Variants in FCHO2 observed in about 807,000 individuals in gnomAD.
The protein encoded by FCHO2 is FCH and mu domain containing endocytic adaptor 2.
FCHO2 carries 43 observed loss-of-function variants against 114.1 expected under a neutral mutation model. The observed-to-expected ratio is 0.38, with a 90% CI of 0.30 to 0.49. The LOEUF is 0.49. Among genes scored for constraint, FCHO2 ranks in the 20% least tolerant of loss-of-function variants. The pLI, the probability that FCHO2 is intolerant of heterozygous loss-of-function variation, is 0.97. For synonymous variants in FCHO2, 293 were observed against 315.2 expected (o/e 0.93, Z 0.75); for missense variants, 807 against 950.4 (o/e 0.85, Z 1.98).
At chr5:73,017,396 G>A (rs893667603) in intron 8 of FCHO2, 88 bp downstream of exon 8, 3 of 747,770 alleles carry the variant, frequency 4.0e-6, no homozygotes, top group African/African-American at 1.8e-5. Context: ...TGGGTAAGGG[G>A]TAATTTTAAC....
chr5:73,040,412 T>G (rs1282729741), intron 10 of FCHO2, among the ~76,000 whole-genome samples: 2 of 152,186 alleles, frequency 1.3e-5, no homozygotes, highest in Admixed American at 1.3e-4. Flanking sequence ...CTGCTTTGTG[T>G]GCATTAACTG....
intron 2 of FCHO2, among the ~76,000 whole-genome samples, chr5:72,980,006 C>T (rs369070615): frequency 1.3e-5 from 2 of 152,018 alleles, no homozygotes; most frequent in Non-Finnish European, 2.9e-5. Context: ...TTTGTTTGCT[C>T]TTGCTTCTCT....
chr5:72,996,372 C>T (rs2112684477), intron 5 of FCHO2, among the ~76,000 whole-genome samples: 1 of 151,778 alleles, frequency 6.6e-6, no homozygotes, highest in South Asian at 2.1e-4. Flanking sequence ...GTGATGGATT[C>T]ATGTTAAAAA....
intron 1 of FCHO2, among the ~76,000 whole-genome samples, chr5:72,963,915 T>TG (rs1752032089): frequency 7.9e-6 from 1 of 125,912 alleles, no homozygotes; most frequent in Non-Finnish European, 1.8e-5. Context: ...TTTTTTTTTT[T>TG]TTTTTTTTTT....
At chr5:73,057,463 T>C (rs1757649947) in intron 16 of FCHO2, among the ~76,000 whole-genome samples, 1 of 152,130 alleles carries the variant, frequency 6.6e-6, no homozygotes, top group Non-Finnish European at 1.5e-5. Flanking sequence ...AGATGCTGGA[T>C]ATGTACTCTT....
At position 72,990,563 on chromosome 5, in the gene FCHO2, G is replaced by A; in HGVS notation, c.286G>A (p.Glu96Lys). The A allele has an allele frequency of 6.5e-7, 1 of 1,540,548 alleles. No homozygotes were observed. Among genetic ancestry groups the A allele is most frequent in the Non-Finnish European group, 8.7e-7 (1 of 1,145,376 alleles). Residue 96 changes from glutamate (E) to lysine (K), a missense_variant, in exon 4 of 26, where the codon GAA (glutamate) becomes AAA (lysine). Coordinates refer to ENST00000430046, the MANE Select transcript of FCHO2 (RefSeq NM_138782.3). Reference sequence around the variant, plus strand: ...CTTGGATCTTGTTAGAAAATTACAAGAATTAATAAAGGAAGTTCAGAAGTA... The same window carrying A: ...CTTGGATCTTGTTAGAAAATTACAAAAATTAATAAAGGAAGTTCAGAAGTA... ...CHLDLVRKLQ[E>K]LIKEVQKYGE... is the part of the protein sequence containing the mutation.
chr5:73,066,760 A>T (rs567848953), intron 18 of FCHO2, among the ~76,000 whole-genome samples: 9 of 151,908 alleles, frequency 5.9e-5, no homozygotes, highest in African/African-American at 1.7e-4. Flanking sequence ...ATCACCAGGG[A>T]ATTTGGTAGA....
chr5:73,059,884 T>G (rs1225029998), intron 17 of FCHO2, among the ~76,000 whole-genome samples: 2 of 152,032 alleles, frequency 1.3e-5, no homozygotes, highest in African/African-American at 4.8e-5. Context: ...TTTTGTTTAG[T>G]AAAAATGTCA....
chr5:72,997,108 G>A, intron 5 of FCHO2: 3 of 1,169,810 alleles, frequency 2.6e-6, no homozygotes. Flanking sequence ...TCATGGTGCT[G>A]GATCCGGATG....
At chr5:72,966,287 A>T (rs1285950685) in intron 1 of FCHO2, among the ~76,000 whole-genome samples, 1 of 152,188 alleles carries the variant, frequency 6.6e-6, no homozygotes, top group African/African-American at 2.4e-5. Flanking sequence ...GTTACTCTTA[A>T]AAAGTTCACC....
At chr5:73,083,765 G>A (rs1027200343) in intron 24 of FCHO2, among the ~76,000 whole-genome samples, 7 of 151,978 alleles carry the variant, frequency 4.6e-5, no homozygotes, top group Non-Finnish European at 8.8e-5. Flanking sequence ...CATGGTGCAC[G>A]CCTGTAATTC....
chr5:72,991,148 T>G (rs1175392658), intron 5 of FCHO2, among the ~76,000 whole-genome samples: 2 of 152,218 alleles, frequency 1.3e-5, no homozygotes, highest in African/African-American at 2.4e-5. Context: ...CACTGCAGCC[T>G]CTGCCTCCTG....
chr5:72,966,427 G>A (rs1016707715), intron 1 of FCHO2, among the ~76,000 whole-genome samples: 2 of 152,148 alleles, frequency 1.3e-5, no homozygotes, highest in African/African-American at 4.8e-5. Flanking sequence ...TGGGATTACA[G>A]GCACAAGCCT....
At chr5:73,027,022 T>TTTTTTTTTTTTTTTTTTTG (rs1755975339) in intron 8 of FCHO2, among the ~76,000 whole-genome samples, 1 of 143,930 alleles carries the variant, frequency 6.9e-6, no homozygotes. Flanking sequence ...TTGTTTGTTT[T>TTTTTTTTTTTTTTTTTTTG]TTTTTTTTTT....
intron 19 of FCHO2, among the ~76,000 whole-genome samples, chr5:73,069,685 C>G (rs1742540504): frequency 6.6e-6 from 1 of 152,002 alleles, no homozygotes; most frequent in Non-Finnish European, 1.5e-5. Context: ...TTCTGTGCAG[C>G]TGGGTACTAG....
At chr5:72,984,348 CT>C (rs34665434) in intron 2 of FCHO2, among the ~76,000 whole-genome samples, 17,879 of 152,172 alleles carry the variant, frequency 0.12, 1,260 homozygotes, top group Non-Finnish European at 0.17. Context: ...CATTTTCTTT[CT>C]CTAAGTGTAC....
intron 6 of FCHO2, among the ~76,000 whole-genome samples, chr5:73,012,893 C>A (rs1322822715): frequency 6.6e-6 from 1 of 152,070 alleles, no homozygotes; most frequent in African/African-American, 2.4e-5. Flanking sequence ...TCTGTGGATT[C>A]ATATTTTAAG....
chr5:73,025,340 C>G (rs1360927087), intron 8 of FCHO2, among the ~76,000 whole-genome samples: 1 of 149,942 alleles, frequency 6.7e-6, no homozygotes, highest in Non-Finnish European at 1.5e-5. Context: ...TCCCGAGTAG[C>G]TGGGATTGAT....
intron 23 of FCHO2, among the ~76,000 whole-genome samples, 174 bp downstream of exon 23, chr5:73,082,156 T>G (rs1743115492): frequency 6.6e-6 from 1 of 152,060 alleles, no homozygotes. Flanking sequence ...ATAGTAACCT[T>G]AATCAAAAAT....
Sources: allele counts gnomAD v4.1 joint callset (sites outside exome capture counted in the v4.1 genomes callset), GRCh38; gene constraint gnomAD v4.1.1; transcripts MANE v1.5; gene names NCBI Gene and HGNC (gene_info 2026-07-23, HGNC 2026-07-21).